AKAP12: variants seen among roughly 807,000 people sequenced by gnomAD.
AKAP12 encodes the protein A-kinase anchoring protein 12.
A neutral mutation model predicts 79.9 loss-of-function variants in AKAP12; 32 were observed. The observed-to-expected ratio is 0.40, with a 90% CI of 0.30 to 0.54. The LOEUF is 0.54. Among genes scored for constraint, AKAP12 ranks in the 20% least tolerant of loss-of-function variants. The pLI, the probability that AKAP12 is intolerant of heterozygous loss-of-function variation, is 0.48. For missense variants in AKAP12, 2,074 were observed against 2,177.0 expected, an observed-to-expected ratio of 0.95 and a Z score of 0.94; for synonymous variants, 808 against 857.0, an observed-to-expected ratio of 0.94 and a Z score of 1.00.
chr6:151,304,838 C>T (rs1231334256), intron 2 of AKAP12, among the ~76,000 whole-genome samples: 1 of 151,946 alleles, frequency 6.6e-6, no homozygotes, highest in African/African-American at 2.4e-5. Flanking sequence ...TCCCAAAGTG[C>T]TGGGATTACA....
intron 4 of AKAP12, among the ~76,000 whole-genome samples, chr6:151,354,209 C>G (rs1778381088): frequency 1.3e-5 from 2 of 151,820 alleles, no homozygotes; most frequent in East Asian, 3.9e-4. Context: ...ATTAAACTGC[C>G]TGAAATATAG....
intron 3 of AKAP12, 33 bp from the exon 4 acceptor site, chr6:151,348,678 T>TCCC: frequency 2.7e-6 from 1 of 374,898 alleles, no homozygotes. Flanking sequence ...CCTTTTCTCT[T>TCCC]CTCCCCACCC....
chr6:151,257,853 G>A (rs558315264), intron 2 of AKAP12, among the ~76,000 whole-genome samples: 1 of 152,316 alleles, frequency 6.6e-6, no homozygotes, highest in South Asian at 2.1e-4. Context: ...TGGGGATTGG[G>A]TGGAAGAGAA....
chr6:151,331,328 A>G (rs1777659513), intron 3 of AKAP12, among the ~76,000 whole-genome samples: 1 of 152,152 alleles, frequency 6.6e-6, no homozygotes, highest in Non-Finnish European at 1.5e-5. Flanking sequence ...AATAAGTGTT[A>G]TAATTTTTTT....
At chr6:151,316,985 T>G (rs1399474629) in intron 3 of AKAP12, among the ~76,000 whole-genome samples, 1 of 152,202 alleles carries the variant, frequency 6.6e-6, no homozygotes, top group Non-Finnish European at 1.5e-5. Flanking sequence ...TCATTTTAAC[T>G]TAGTCACTTC....
At chr6:151,333,555 A>G (rs1045092764) in intron 3 of AKAP12, among the ~76,000 whole-genome samples, 2 of 152,002 alleles carry the variant, frequency 1.3e-5, no homozygotes, top group Admixed American at 6.6e-5. Flanking sequence ...GTTTGAGACC[A>G]ATCTGGCCAA....
chr6:151,267,498 A>G (rs921962978), intron 2 of AKAP12, among the ~76,000 whole-genome samples: 5 of 152,212 alleles, frequency 3.3e-5, no homozygotes, highest in Admixed American at 3.3e-4. Flanking sequence ...GCATCAGTAG[A>G]CACATCACAG....
intron 2 of AKAP12, among the ~76,000 whole-genome samples, chr6:151,305,169 GTT>G (rs869087478): frequency 0.034 from 4,698 of 136,922 alleles, 221 homozygotes; most frequent in African/African-American, 0.11. Flanking sequence ...AGTCAGGGCT[GTT>G]TTTTTTTTTT....
Position 151,268,970 on chromosome 6 carries a change from T to G in AKAP12, c.162+28246T>G, listed in dbSNP as rs1275994607. Among the ~76,000 whole-genome samples the G allele has an allele frequency of 1.8e-4, 26 of 143,420 alleles. 2 individuals are homozygous for G. The highest frequency in any genetic ancestry group is 1.0e-3 in the East Asian group (5 of 4,992). The allele number at this position is 143,420 out of a possible 152,430, so 94.1% of individuals were successfully genotyped here. The stretch of plus-strand genomic sequence containing the variant: ...GTTTTTTTTTTTTTTTTTTTTTTTT[T>G]TTTTTTTTTAATCAACATCTAAACC... On this transcript the variant is annotated intron_variant, in intron 2 of 4. Coordinates refer to ENST00000402676, the MANE Select transcript of AKAP12 (RefSeq NM_005100.4).
In AKAP12 at chr6:151,310,364, C is replaced by CA. The variant is rs540889501; in HGVS notation, c.319+4471dup. ...GGGCAACAAGAGCGAAACTCCATCT[C>CA]AAAAAAAAAACAAAAACAAAACAGA... On this transcript the variant is annotated intron_variant, in intron 3 of 4. Coordinates refer to ENST00000402676, the MANE Select transcript of AKAP12 (RefSeq NM_005100.4). Among the ~76,000 whole-genome samples, 325 of 142,876 alleles carry CA rather than the reference C, an allele frequency of 2.3e-3. 1 individual carries two copies. The highest frequency in any genetic ancestry group is 0.011 in the South Asian group (48 of 4,462). 93.7% of individuals were successfully genotyped at this position (142,876 alleles called of 152,430 possible).
chr6:151,317,597 ACAACTTAGTTTGCTTTAAGC>A (rs1318483181), intron 3 of AKAP12, among the ~76,000 whole-genome samples: 1 of 152,248 alleles, frequency 6.6e-6, no homozygotes, highest in African/African-American at 2.4e-5. Flanking sequence ...AAACATGAGA[ACAACTTAGTTTGCTTTAAGC>A]CAAATATTAT....
intron 2 of AKAP12, among the ~76,000 whole-genome samples, chr6:151,251,962 A>T (rs1437054933): frequency 6.6e-6 from 1 of 152,152 alleles, no homozygotes; most frequent in Admixed American, 6.5e-5. Context: ...GCTCTGCTGC[A>T]CTTCAGCCCG....
intron 2 of AKAP12, among the ~76,000 whole-genome samples, chr6:151,243,163 A>G (rs1418377868): frequency 1.3e-5 from 2 of 152,218 alleles, no homozygotes; most frequent in South Asian, 2.1e-4. Context: ...AGACAAATAT[A>G]TGAAGTGCAT....
intron 2 of AKAP12, among the ~76,000 whole-genome samples, chr6:151,268,882 G>T (rs1437868168): frequency 6.7e-6 from 1 of 148,514 alleles, no homozygotes; most frequent in Non-Finnish European, 1.5e-5. Flanking sequence ...GTCCTCAAGC[G>T]ATCCACCCGC....
intron 2 of AKAP12, among the ~76,000 whole-genome samples, chr6:151,279,456 T>C (rs1303008951): frequency 2.0e-5 from 3 of 151,988 alleles, no homozygotes; most frequent in African/African-American, 7.3e-5. Flanking sequence ...GAATGGTGAG[T>C]GTATTTATAT....
chr6:151,259,925 A>G (rs1294656007), intron 2 of AKAP12, among the ~76,000 whole-genome samples: 2 of 151,698 alleles, frequency 1.3e-5, no homozygotes, highest in Non-Finnish European at 2.9e-5. Flanking sequence ...CCTTGCACAA[A>G]GCATTAACAA....
rs184979530 is a variant in AKAP12 at position 151,309,681 on chromosome 6, G to A, written c.319+3778G>A. Among the ~76,000 whole-genome samples, 76 of 152,236 alleles carry A rather than the reference G, an allele frequency of 5.0e-4. No homozygotes were observed. In the Middle Eastern group the frequency reaches 0.02, roughly 41 times the overall value. ...GTCTGATATATGTAGATTTGGGGAG[G>A]GGGCTTGATTATGTCATTTGGTGGA... is the stretch of plus-strand genomic sequence containing the variant. On this transcript the variant is annotated intron_variant, in intron 3 of 4. Coordinates refer to ENST00000402676, the MANE Select transcript of AKAP12 (RefSeq NM_005100.4).
intron 3 of AKAP12, among the ~76,000 whole-genome samples, chr6:151,333,918 G>A (rs1777745688): frequency 6.6e-6 from 1 of 151,892 alleles, no homozygotes; most frequent in African/African-American, 2.4e-5. Context: ...AGGTGAGGAG[G>A]GGGAGGTCAG....
In AKAP12 at chr6:151,352,885, C is replaced by T. The variant is rs748651544; in HGVS notation, c.4494C>T (p.Ser1498=). The T allele has an allele frequency of 2.7e-5, 44 of 1,614,052 alleles. No individual in the cohort carries two copies. The East Asian group carries it at 2.9e-4, about 11-fold the overall frequency. Residue 1498 remains serine (S), a synonymous_variant, in exon 4 of 5, where the codon TCC becomes TCT. Coordinates refer to ENST00000402676, the MANE Select transcript of AKAP12 (RefSeq NM_005100.4). Reference sequence around the variant, plus strand: ...CTACTACCAAGAAAGGCTTAAGTTCCGACCTGGAAGGAGAGAAAACCACAT... The same window carrying T: ...CTACTACCAAGAAAGGCTTAAGTTCTGACCTGGAAGGAGAGAAAACCACAT... The part of the protein sequence containing the change: ...VSATTKKGLS[S]DLEGEKTTSL...
Sources: gnomAD v4.1 joint callset for allele counts (sites outside exome capture counted in the v4.1 genomes callset) on GRCh38, gnomAD v4.1.1 for gene constraint, MANE v1.5 for transcripts, NCBI Gene and HGNC (gene_info 2026-07-23, HGNC 2026-07-21) for gene names.